The following TRAPPC9 variants were observed in gnomAD, a reference collection of about 807,000 sequenced individuals.
TRAPPC9 encodes the protein IKK2 binding protein.
Under a neutral mutation model 124.0 loss-of-function variants are expected in TRAPPC9, and 83 were observed. The observed-to-expected ratio is 0.67, with a 90% CI of 0.56 to 0.80. The LOEUF is 0.80. Among genes scored for constraint, TRAPPC9 ranks in the 30% least tolerant of loss-of-function variants. The pLI is 0.00. For missense variants in TRAPPC9, 1,302 were observed against 1,508.3 expected (o/e 0.86, Z 2.27); for synonymous variants, 638 against 617.5 (o/e 1.03, Z -0.49).
At chr8:140,367,252 C>T (rs1396054103) in intron 8 of TRAPPC9, among the ~76,000 whole-genome samples, 1 of 152,160 alleles carries the variant, frequency 6.6e-6, no homozygotes, top group Non-Finnish European at 1.5e-5. Flanking sequence ...AACTTATATC[C>T]ACACAAAAAC....
At chr8:140,189,180 T>C (rs1180884880) in intron 17 of TRAPPC9, among the ~76,000 whole-genome samples, 1 of 152,236 alleles carries the variant, frequency 6.6e-6, no homozygotes, top group Admixed American at 6.5e-5. Context: ...GCTTCCTAAG[T>C]GGCCTAACAC....
intron 17 of TRAPPC9, among the ~76,000 whole-genome samples, chr8:140,092,807 T>C (rs1475120957): frequency 6.6e-6 from 1 of 152,188 alleles, no homozygotes; most frequent in African/African-American, 2.4e-5. Context: ...TTGTATTTGT[T>C]TTAAACATAC....
At chr8:140,422,233 G>A (rs1015616882) in intron 5 of TRAPPC9, among the ~76,000 whole-genome samples, 5 of 150,420 alleles carry the variant, frequency 3.3e-5, no homozygotes, top group Non-Finnish European at 7.4e-5. Context: ...TCCTAGAATC[G>A]TGAAGATTAA....
At chr8:140,036,422 C>A (rs901626400) in intron 17 of TRAPPC9, among the ~76,000 whole-genome samples, 1 of 151,954 alleles carries the variant, frequency 6.6e-6, no homozygotes, top group Non-Finnish European at 1.5e-5. Flanking sequence ...AGCTGACCGA[C>A]GGTACGCTGA....
intron 21 of TRAPPC9, among the ~76,000 whole-genome samples, chr8:139,736,592 C>T (rs1048763451): frequency 6.6e-6 from 1 of 152,170 alleles, no homozygotes; most frequent in Non-Finnish European, 1.5e-5. Flanking sequence ...CATTAAGCTT[C>T]CTGAATTCAA....
At chr8:139,873,889 G>A (rs995752749) in intron 21 of TRAPPC9, among the ~76,000 whole-genome samples, 5 of 152,218 alleles carry the variant, frequency 3.3e-5, no homozygotes, top group African/African-American at 1.2e-4. Context: ...AGCCACCATG[G>A]TGCCACATTC....
rs905119260 is a variant in TRAPPC9 at position 140,252,164 on chromosome 8, T to G, written c.2431+613A>C. Among the ~76,000 whole-genome samples, 1 of 152,090 alleles carries G rather than the reference T, an allele frequency of 6.6e-6. No homozygotes were observed. Among genetic ancestry groups the G allele is most frequent in the African/African-American group, 2.4e-5 (1 of 41,398 alleles). ...CCTCAGCCTCCTGAGTAGCTGGGATTACAGGCATGCGCCACCATGCCCGAC... is the reference window on the plus strand; with the variant it reads ...CCTCAGCCTCCTGAGTAGCTGGGATGACAGGCATGCGCCACCATGCCCGAC... On this transcript the variant is annotated intron_variant, in intron 16 of 22. Coordinates refer to ENST00000438773, the MANE Select transcript of TRAPPC9 (RefSeq NM_001160372.4). This position sits in a 1 kb window ranked among gnomAD's most constrained non-coding sequence, Gnocchi z 4.2.
At chr8:140,372,530 A>G (rs2068312505) in intron 7 of TRAPPC9, among the ~76,000 whole-genome samples, 1 of 152,186 alleles carries the variant, frequency 6.6e-6, no homozygotes, top group South Asian at 2.1e-4. Flanking sequence ...CATGGCTCAG[A>G]GCCCATCACC....
chr8:140,195,117 AAC>A (rs1298024810), intron 17 of TRAPPC9, among the ~76,000 whole-genome samples: 3 of 152,060 alleles, frequency 2.0e-5, no homozygotes, highest in African/African-American at 4.8e-5. Flanking sequence ...GTGAAACTAA[AAC>A]ACACTCAACG....
chr8:140,311,414 A>G (rs572976938), intron 9 of TRAPPC9, 40 bp from the exon 10 acceptor site: 1 of 1,608,666 alleles, frequency 6.2e-7, no homozygotes, highest in East Asian at 2.2e-5. Flanking sequence ...TGTATTAGGC[A>G]AAAGTCAAAG....
chr8:140,260,574 C>A (rs1271675517), intron 15 of TRAPPC9, among the ~76,000 whole-genome samples: 1 of 152,220 alleles, frequency 6.6e-6, no homozygotes, highest in Admixed American at 6.5e-5. Flanking sequence ...TTCTACCTCT[C>A]CTTTCTACTA....
In TRAPPC9 at chr8:139,907,407, C is replaced by T. The variant is rs1352844826; in HGVS notation, c.2964+2740G>A. On this transcript the variant is annotated intron_variant, in intron 20 of 22. Coordinates refer to ENST00000438773, the MANE Select transcript of TRAPPC9 (RefSeq NM_001160372.4). This position sits in a 1 kb window ranked among gnomAD's most constrained non-coding sequence, Gnocchi z 4.7. Reference sequence around the variant, plus strand: ...TTAAAATGCATAATGAAATTATTAGCCAATTCAATCTTTGGTCTTTCCATC... The same window carrying T: ...TTAAAATGCATAATGAAATTATTAGTCAATTCAATCTTTGGTCTTTCCATC... Among the ~76,000 whole-genome samples, 1 of 152,014 alleles carries T rather than the reference C, an allele frequency of 6.6e-6. No individual in the cohort carries two copies. Among genetic ancestry groups the T allele is most frequent in the African/African-American group, 2.4e-5 (1 of 41,344 alleles).
chr8:140,035,486 T>A (rs1164365872), intron 17 of TRAPPC9, among the ~76,000 whole-genome samples: 1 of 152,168 alleles, frequency 6.6e-6, no homozygotes, highest in Non-Finnish European at 1.5e-5. Context: ...TGCTAGCAGG[T>A]CAGCAAGAAG....
chr8:140,162,677 G>A (rs1033123959), intron 17 of TRAPPC9, among the ~76,000 whole-genome samples: 5 of 152,114 alleles, frequency 3.3e-5, no homozygotes, highest in Non-Finnish European at 5.9e-5. Context: ...GCTTCTTGCC[G>A]CTGAACTCCT....
At chr8:139,850,312 CATG>C in intron 21 of TRAPPC9, among the ~76,000 whole-genome samples, 1 of 152,336 alleles carries the variant, frequency 6.6e-6, no homozygotes, top group South Asian at 2.1e-4. Context: ...GGCTGGTTCT[CATG>C]ATAAGCAGGG....
intron 15 of TRAPPC9, among the ~76,000 whole-genome samples, chr8:140,254,380 A>G (rs6996327): frequency 0.11 from 17,445 of 152,050 alleles, 1,717 homozygotes; most frequent in African/African-American, 0.27. Context: ...CGCCTCCCCC[A>G]GCCCCTGGGC....
At chr8:139,992,425 T>C (rs1837704527) in intron 18 of TRAPPC9, among the ~76,000 whole-genome samples, 1 of 152,094 alleles carries the variant, frequency 6.6e-6, no homozygotes, top group Non-Finnish European at 1.5e-5. Flanking sequence ...CCAATAAACA[T>C]TTCCTTTGAG....
intron 21 of TRAPPC9, among the ~76,000 whole-genome samples, chr8:139,831,769 C>G (rs1245756745): frequency 6.6e-6 from 1 of 152,212 alleles, no homozygotes; most frequent in African/African-American, 2.4e-5. Context: ...AAGTGTTACT[C>G]TCCTCAATTT....
intron 21 of TRAPPC9, among the ~76,000 whole-genome samples, chr8:139,873,681 C>T (rs964385680): frequency 6.6e-6 from 1 of 152,192 alleles, no homozygotes; most frequent in Admixed American, 6.5e-5. Flanking sequence ...ATGAAGGCCT[C>T]CTGCAGTGAG....
Sources: gnomAD v4.1 joint callset for allele counts (sites outside exome capture counted in the v4.1 genomes callset) on GRCh38, gnomAD v4.1.1 for gene constraint, Gnocchi (gnomAD v3.1) non-coding constraint, MANE v1.5 for transcripts, NCBI Gene and HGNC (gene_info 2026-07-23, HGNC 2026-07-21) for gene names.